NLGN1: variants seen among roughly 807,000 people sequenced by gnomAD.
The protein encoded by NLGN1 is neuroligin 1.
A neutral mutation model predicts 65.5 loss-of-function variants in NLGN1; 12 were observed. That is an observed-to-expected ratio of 0.18 (90% CI 0.12 to 0.30). NLGN1 has a LOEUF of 0.30. NLGN1 is among the 10% of genes least tolerant of loss of function. The pLI is 1.00. For synonymous variants in NLGN1, 350 were observed against 359.5 expected, an observed-to-expected ratio of 0.97 and a Z score of 0.30; for missense variants, 750 against 1,007.1, an observed-to-expected ratio of 0.74 and a Z score of 3.46.
At chr3:174,088,297 G>T (rs953173120) in intron 4 of NLGN1, among the ~76,000 whole-genome samples, 1 of 152,054 alleles carries the variant, frequency 6.6e-6, no homozygotes, top group South Asian at 2.1e-4. Context: ...AAGGAGACTA[G>T]AACAGGAAAT....
chr3:174,125,298 C>A (rs1718692038), intron 4 of NLGN1, among the ~76,000 whole-genome samples: 1 of 151,928 alleles, frequency 6.6e-6, no homozygotes, highest in African/African-American at 2.4e-5. Flanking sequence ...TTGGCTTACA[C>A]TAGGTTGCAG....
intron 1 of NLGN1, among the ~76,000 whole-genome samples, chr3:173,408,326 G>T: frequency 6.6e-6 from 1 of 152,124 alleles, no homozygotes; most frequent in East Asian, 1.9e-4. Flanking sequence ...GTGCCAATCT[G>T]TCTTTTAATG....
chr3:173,899,067 T>A (rs1414379267), intron 4 of NLGN1, among the ~76,000 whole-genome samples: 1 of 152,134 alleles, frequency 6.6e-6, no homozygotes, highest in East Asian at 1.9e-4. Context: ...AACATGTACA[T>A]CTCTGGATCT....
chr3:174,277,819 G>C (rs1461353700), intron 5 of NLGN1, among the ~76,000 whole-genome samples: 1 of 151,728 alleles, frequency 6.6e-6, no homozygotes, highest in Non-Finnish European at 1.5e-5. Context: ...ACACCTTTGT[G>C]AAAAGAGTTT....
intron 4 of NLGN1, among the ~76,000 whole-genome samples, chr3:173,883,171 A>G (rs926001151): frequency 2.0e-5 from 3 of 151,762 alleles, no homozygotes; most frequent in African/African-American, 7.3e-5. Flanking sequence ...TTTTGATTAA[A>G]GTGAGACATG....
At position 173,722,292 on chromosome 3, in the gene NLGN1, G is replaced by A. The variant is rs111493852; in HGVS notation, c.494-85388G>A. On this transcript the variant is annotated intron_variant, in intron 3 of 6. Transcript: ENST00000457714. ...AGAGTCTTGCTCTGTTGCTCAGGCT[G>A]GAGTGCAATGGCGTGATCTTGGCTC... Among the ~76,000 whole-genome samples the A allele has an allele frequency of 6.5e-4, 91 of 139,336 alleles. 1 individual carries two copies. Among genetic ancestry groups the A allele is most frequent in the Middle Eastern group, 3.9e-3 (1 of 254 alleles). 91.4% of individuals were successfully genotyped at this position (139,336 alleles called of 152,430 possible).
intron 3 of NLGN1, among the ~76,000 whole-genome samples, chr3:173,748,029 A>G (rs1775779354): frequency 1.3e-5 from 2 of 150,952 alleles, no homozygotes; most frequent in African/African-American, 4.9e-5. Context: ...CAAATTCCTG[A>G]CCTTAAGTGA....
In NLGN1 at chr3:174,279,089, A is replaced by T; in HGVS notation, c.1088A>T (p.Asp363Val). 6.2e-7 allele frequency: 1 copy of T among 1,613,340 alleles called. No homozygotes were observed. Among genetic ancestry groups the T allele is most frequent in the Middle Eastern group, 1.7e-4 (1 of 6,056 alleles). The change falls in exon 6 of 7, where the codon GAT becomes GTT. Residue 363 changes from aspartate (D) to valine (V), a missense_variant. Asp to Val is a radical substitution (Grantham distance 152). Transcript: ENST00000457714. This position sits in a 1 kb window ranked among gnomAD's most constrained non-coding sequence, Gnocchi z 4.7. The stretch of plus-strand genomic sequence containing the variant: ...GCCTTTGGACCTGTGATTGATGGTG[A>T]TGTAATACCAGACGACCCCCAGATA...
intron 4 of NLGN1, among the ~76,000 whole-genome samples, chr3:173,969,491 T>C (rs1715691131): frequency 6.6e-6 from 1 of 152,154 alleles, no homozygotes; most frequent in African/African-American, 2.4e-5. Context: ...TAGTGGGCAC[T>C]ATCCAGAATT....
At chr3:174,149,382 C>G (rs899309476) in intron 4 of NLGN1, among the ~76,000 whole-genome samples, 1 of 152,128 alleles carries the variant, frequency 6.6e-6, no homozygotes, top group Admixed American at 6.6e-5. Flanking sequence ...CTTCTGACTT[C>G]TGCATGTGTT....
At chr3:173,989,809 A>C (rs183099996) in intron 4 of NLGN1, among the ~76,000 whole-genome samples, 1 of 152,056 alleles carries the variant, frequency 6.6e-6, no homozygotes, top group Non-Finnish European at 1.5e-5. Flanking sequence ...TCATAGCTTC[A>C]TGTCCTCAGA....
chr3:174,009,891 CAA>C (rs1725186803), intron 4 of NLGN1, among the ~76,000 whole-genome samples: 1 of 152,034 alleles, frequency 6.6e-6, no homozygotes, highest in South Asian at 2.1e-4. Context: ...ATAGCTTGAG[CAA>C]AGTCAGAGAA....
At chr3:174,291,563 A>T (rs1394998547), downstream of NLGN1, among the ~76,000 whole-genome samples, 1 of 151,308 alleles carries the variant, frequency 6.6e-6, no homozygotes, top group Non-Finnish European at 1.5e-5. Context: ...GACTTCAAAG[A>T]CAACGCTTTA....
rs369261161 is a variant in NLGN1 at position 173,996,331 on chromosome 3, GCCT to G, written c.646+188501_646+188503del. 3.6e-3 allele frequency among the ~76,000 whole-genome samples: 542 copies of G among 152,256 alleles called. 9 individuals are homozygous for G. The highest frequency in any genetic ancestry group is 0.012 in the African/African-American group (503 of 41,550). On this transcript the variant is annotated intron_variant, in intron 4 of 6. Transcript: ENST00000457714. ...ATCAGTGCTTCCCAAACTGTCTGGT[GCCT>G]CAGATTGACCTGGAGAATTTGTTAA...
chr3:173,569,774 C>G (rs1229710940), intron 2 of NLGN1, among the ~76,000 whole-genome samples: 1 of 152,040 alleles, frequency 6.6e-6, no homozygotes, highest in Non-Finnish European at 1.5e-5. Flanking sequence ...CTGCTGGGGT[C>G]CATGACTGTC....
chr3:173,744,834 T>A lies in NLGN1; in HGVS notation c.494-62846T>A, dbSNP rs78631769. Among the ~76,000 whole-genome samples the A allele has an allele frequency of 9.3e-3, 1,393 of 149,528 alleles. 9 individuals are homozygous for A. The highest frequency in any genetic ancestry group is 0.027 in the African/African-American group (1,066 of 39,452). On this transcript the variant is annotated intron_variant, in intron 3 of 6. Coordinates refer to ENST00000457714, the Ensembl canonical transcript of NLGN1. ...TAAAAAAGCTGTTATTTATTTATTTTTTTTTTGACATCTTTGTTGCTCTGC... is the reference window on the plus strand; with the variant it reads ...TAAAAAAGCTGTTATTTATTTATTTATTTTTTGACATCTTTGTTGCTCTGC...
chr3:173,876,959 G>A (rs752642067), intron 4 of NLGN1, among the ~76,000 whole-genome samples: 5 of 152,080 alleles, frequency 3.3e-5, no homozygotes, highest in Non-Finnish European at 5.9e-5. Flanking sequence ...GGACACCAAA[G>A]TAATAATTGC....
intron 3 of NLGN1, among the ~76,000 whole-genome samples, chr3:173,794,036 C>T (rs1713420384): frequency 6.6e-6 from 1 of 151,196 alleles, no homozygotes; most frequent in South Asian, 2.1e-4. Context: ...GACCTCCAGG[C>T]TTCCTCTCTT....
chr3:173,746,447 T>C (rs568949761), intron 3 of NLGN1, among the ~76,000 whole-genome samples: 1 of 152,140 alleles, frequency 6.6e-6, no homozygotes, highest in African/African-American at 2.4e-5. Context: ...CTCCTAATCC[T>C]CTCTCCTCCA....
Sources: gnomAD v4.1 joint callset for allele counts (sites outside exome capture counted in the v4.1 genomes callset) on GRCh38, gnomAD v4.1.1 for gene constraint, Gnocchi (gnomAD v3.1) non-coding constraint, MANE v1.5 for transcripts, NCBI Gene and HGNC (gene_info 2026-07-23, HGNC 2026-07-21) for gene names.